PDE1C: variants seen among roughly 807,000 people sequenced by gnomAD.
The protein encoded by PDE1C is phosphodiesterase 1C, also known as dual specificity calcium/calmodulin-dependent 3',5'-cyclic nucleotide phosphodiesterase 1C.
Under a neutral mutation model 93.1 loss-of-function variants are expected in PDE1C, and 62 were observed. That is an observed-to-expected ratio of 0.67 (90% confidence interval 0.54 to 0.82). The LOEUF is 0.82. Among genes scored for constraint, PDE1C ranks in the 40% least tolerant of loss-of-function variants. The pLI is 0.00. For missense variants in PDE1C, 742 were observed against 884.6 expected, an observed-to-expected ratio of 0.84 and a Z score of 2.04; for synonymous variants, 325 against 310.1, an observed-to-expected ratio of 1.05 and a Z score of -0.50.
intron 11 of PDE1C, among the ~76,000 whole-genome samples, chr7:31,831,437 T>C (rs964330970): frequency 6.6e-6 from 1 of 151,338 alleles, no homozygotes; most frequent in African/African-American, 2.4e-5. Context: ...AGAATAGACA[T>C]TGAATTGCAA....
chr7:31,957,015 C>T (rs1808240824), intron 2 of PDE1C, among the ~76,000 whole-genome samples: 1 of 151,528 alleles, frequency 6.6e-6, no homozygotes, highest in African/African-American at 2.4e-5. Context: ...ATGCAAACAC[C>T]AGGGGTGAAA....
chr7:32,145,261 C>T (rs1056801961), intron 3 of PDE1C, among the ~76,000 whole-genome samples: 1 of 152,146 alleles, frequency 6.6e-6, no homozygotes, highest in Non-Finnish European at 1.5e-5. Flanking sequence ...CCAATAAAGA[C>T]AATGGAGATG....
intron 2 of PDE1C, among the ~76,000 whole-genome samples, chr7:31,951,301 T>A (rs2129014862): frequency 6.6e-6 from 1 of 152,318 alleles, no homozygotes; most frequent in Admixed American, 6.5e-5. Context: ...TATCTATTAT[T>A]CCTTTAAAAT....
chr7:32,295,043 A>G (rs1380009158), intron 1 of PDE1C, among the ~76,000 whole-genome samples: 1 of 152,182 alleles, frequency 6.6e-6, no homozygotes, highest in African/African-American at 2.4e-5. Flanking sequence ...AGAGGATGCA[A>G]AATAATTTGC....
intron 1 of PDE1C, among the ~76,000 whole-genome samples, chr7:32,363,848 T>G (rs1381893673): frequency 6.6e-6 from 1 of 152,228 alleles, no homozygotes. Flanking sequence ...TACCTGTAAA[T>G]AACAGGCAAC....
chr7:31,965,221 A>C (rs113408795), intron 2 of PDE1C, among the ~76,000 whole-genome samples: 2,201 of 152,228 alleles, frequency 0.014, 20 homozygotes, highest in Non-Finnish European at 0.021. Flanking sequence ...AAAAAATTAG[A>C]TGAATGGCTA....
chr7:31,794,081 C>CAGATAGAT (rs1213702808), intron 16 of PDE1C, among the ~76,000 whole-genome samples: 28 of 135,764 alleles, frequency 2.1e-4, no homozygotes, highest in African/African-American at 5.7e-4. Context: ...GACAGACAGA[C>CAGATAGAT]AGACAGACAG....
At chr7:31,978,649 GA>G (rs1811978728) in intron 2 of PDE1C, among the ~76,000 whole-genome samples, 1 of 152,212 alleles carries the variant, frequency 6.6e-6, no homozygotes, top group Admixed American at 6.5e-5. Context: ...GCAACCTGTA[GA>G]TGCAGCACTG....
chr7:31,701,654 C>T, the PDE1C span, among the ~76,000 whole-genome samples: 1 of 152,190 alleles, frequency 6.6e-6, no homozygotes, highest in Non-Finnish European at 1.5e-5. Context: ...AAGGAAGAGT[C>T]CATCAATGCA....
At chr7:32,165,655 G>A (rs1802199819) in intron 3 of PDE1C, among the ~76,000 whole-genome samples, 1 of 151,860 alleles carries the variant, frequency 6.6e-6, no homozygotes, top group Non-Finnish European at 1.5e-5. Context: ...TGGGGGAAAT[G>A]CCCCCAAAAG....
At chr7:32,181,402 A>G (rs1278527982) in intron 2 of PDE1C, among the ~76,000 whole-genome samples, 1 of 152,238 alleles carries the variant, frequency 6.6e-6, no homozygotes, top group Non-Finnish European at 1.5e-5. Context: ...TTGGAAGTAA[A>G]GCACTCCTCA....
chr7:31,764,796 G>A (rs1057495623), intron 17 of PDE1C, among the ~76,000 whole-genome samples: 1 of 152,104 alleles, frequency 6.6e-6, no homozygotes, highest in Non-Finnish European at 1.5e-5. Flanking sequence ...CTTAATCACA[G>A]TATTAACTGG....
At chr7:31,782,506 G>A (rs1487895714) in intron 16 of PDE1C, among the ~76,000 whole-genome samples, 1 of 152,206 alleles carries the variant, frequency 6.6e-6, no homozygotes, top group African/African-American at 2.4e-5. Flanking sequence ...AAACATCACA[G>A]TCGCCTTCAT....
chr7:32,212,055 A>T (rs1245260161), intron 1 of PDE1C, among the ~76,000 whole-genome samples: 1 of 151,648 alleles, frequency 6.6e-6, no homozygotes, highest in Admixed American at 6.6e-5. Flanking sequence ...AGAAAGAAAG[A>T]AAAAAGAAAA....
intron 2 of PDE1C, among the ~76,000 whole-genome samples, chr7:31,885,825 C>G (rs1309423525): frequency 6.6e-6 from 1 of 152,186 alleles, no homozygotes. Context: ...TTCCCCACCC[C>G]AGTGAGGTCG....
At chr7:31,739,015 C>T in the PDE1C span, among the ~76,000 whole-genome samples, 3 of 149,452 alleles carry the variant, frequency 2.0e-5, no homozygotes, top group Non-Finnish European at 4.4e-5. Flanking sequence ...CTGCCCCCCA[C>T]ATATACATAT....
At chr7:32,128,277 A>G (rs1413794273) in intron 3 of PDE1C, among the ~76,000 whole-genome samples, 3 of 151,914 alleles carry the variant, frequency 2.0e-5, no homozygotes, top group Non-Finnish European at 2.9e-5. Flanking sequence ...TATTTACTAT[A>G]AATAGTTAAA....
chr7:31,627,806 T>C, the PDE1C span, among the ~76,000 whole-genome samples: 27 of 152,188 alleles, frequency 1.8e-4, 1 homozygote, highest in Admixed American at 6.5e-5. Context: ...AAAAACTTCC[T>C]TTTTATTAAA....
chr7:31,781,755 TA>T (rs1359432810), intron 16 of PDE1C, among the ~76,000 whole-genome samples: 1 of 141,648 alleles, frequency 7.1e-6, no homozygotes, highest in Non-Finnish European at 1.5e-5. Context: ...TAGAGCTGCA[TA>T]TTCAGAGTAT....
Sources: gnomAD v4.1 joint callset for allele counts (sites outside exome capture counted in the v4.1 genomes callset) on GRCh38, gnomAD v4.1.1 for gene constraint, MANE v1.5 for transcripts, NCBI Gene and HGNC (gene_info 2026-07-23, HGNC 2026-07-21) for gene names.